Variants in SLC13A1 observed in about 807,000 individuals in gnomAD.
The protein encoded by SLC13A1 is solute carrier family 13 member 1, also known as Na(+)/sulfate cotransporter.
Under a neutral mutation model 70.0 loss-of-function variants are expected in SLC13A1, and 65 were observed. That is an observed-to-expected ratio of 0.93 (90% CI 0.76 to 1.14). SLC13A1 has a LOEUF of 1.14. SLC13A1 is among the 50% of genes most tolerant of loss of function. SLC13A1 has a pLI of 0.00. For missense variants in SLC13A1, 726 were observed against 717.8 expected (o/e 1.01, Z -0.13); for synonymous variants, 275 against 250.5 (o/e 1.10, Z -0.92).
At position 123,128,925 on chromosome 7, in the gene SLC13A1, C is replaced by A. The variant is rs1793658075; in HGVS notation, c.1053G>T (p.Leu351Phe). The change falls in exon 10 of 15, where the codon TTG (leucine) becomes TTT (phenylalanine). Residue 351 changes from leucine (L) to phenylalanine (F), a missense_variant. Transcript: ENST00000194130. ...GPIRYQEIVT[L>F]VLFIIMALLW... ...GCAGAGCCATTATAATGAAGAGGAC[C>A]AAGGTCACAATTTCTTGATACCTGT... The A allele has an allele frequency of 1.2e-6, 2 of 1,612,894 alleles. No homozygotes were observed. The highest frequency in any genetic ancestry group is 2.2e-5 in the East Asian group (1 of 44,794).
chr7:123,117,981 T>A (rs1422647331), intron 13 of SLC13A1, among the ~76,000 whole-genome samples: 1 of 151,336 alleles, frequency 6.6e-6, no homozygotes, highest in African/African-American at 2.4e-5. Flanking sequence ...TAATATATAA[T>A]AAATGTCACA....
intron 6 of SLC13A1, among the ~76,000 whole-genome samples, chr7:123,147,703 G>A (rs1383199922): frequency 6.6e-6 from 1 of 152,012 alleles, no homozygotes; most frequent in Admixed American, 6.6e-5. Flanking sequence ...CTTAGTCTGT[G>A]GTGTTTTGTT....
At chr7:123,138,413 C>T (rs1235805255) in intron 7 of SLC13A1, among the ~76,000 whole-genome samples, 2 of 152,110 alleles carry the variant, frequency 1.3e-5, no homozygotes, top group South Asian at 2.1e-4. Flanking sequence ...TACTGATTTT[C>T]TTTCTTTTGG....
chr7:123,173,970 G>GT (rs35330071), intron 2 of SLC13A1, among the ~76,000 whole-genome samples: 59,902 of 130,046 alleles, frequency 0.46, 14,330 homozygotes, highest in Non-Finnish European at 0.54. Context: ...TCGGGAAGCT[G>GT]TTTTTTTTTT....
chr7:123,188,987 C>A (rs1247437131), intron 1 of SLC13A1, among the ~76,000 whole-genome samples: 3 of 149,062 alleles, frequency 2.0e-5, no homozygotes, highest in African/African-American at 7.4e-5. Flanking sequence ...TAGTGGCGGG[C>A]GCCTGTAGTC....
At chr7:123,186,094 ACAACAC>A (rs1795787836) in intron 1 of SLC13A1, among the ~76,000 whole-genome samples, 1 of 152,066 alleles carries the variant, frequency 6.6e-6, no homozygotes, top group East Asian at 1.9e-4. Context: ...TAATTCAAAC[ACAACAC>A]CAAGTATTTT....
chr7:123,189,114 CAAAAAAAAA>C (rs34956751), intron 1 of SLC13A1, among the ~76,000 whole-genome samples: 1 of 99,508 alleles, frequency 1.0e-5, no homozygotes, highest in East Asian at 2.8e-4. Flanking sequence ...GACTCCGTCT[CAAAAAAAAA>C]AAAAAAAAAG....
chr7:123,189,094 G>A (rs1795912065), intron 1 of SLC13A1, among the ~76,000 whole-genome samples: 1 of 104,682 alleles, frequency 9.6e-6, no homozygotes, highest in Non-Finnish European at 1.7e-5. Flanking sequence ...CAGCCTGGGC[G>A]ACAGAGCGAG....
chr7:123,140,013 G>T (rs1794078348), intron 7 of SLC13A1, among the ~76,000 whole-genome samples: 1 of 151,738 alleles, frequency 6.6e-6, no homozygotes, highest in East Asian at 1.9e-4. Context: ...AAATCTTTCG[G>T]TTTTTTTACC....
intron 1 of SLC13A1, among the ~76,000 whole-genome samples, chr7:123,188,920 C>T (rs1395846289): frequency 6.6e-6 from 1 of 151,328 alleles, no homozygotes; most frequent in Non-Finnish European, 1.5e-5. Context: ...TCGAGACCAT[C>T]CCGGCTAAAA....
intron 1 of SLC13A1, among the ~76,000 whole-genome samples, chr7:123,187,912 G>C (rs1213555755): frequency 6.6e-6 from 1 of 152,086 alleles, no homozygotes; most frequent in African/African-American, 2.4e-5. Context: ...GCATGTCTAT[G>C]GAAAATAGAT....
chr7:123,188,421 A>G (rs1025343476), intron 1 of SLC13A1, among the ~76,000 whole-genome samples: 11 of 152,174 alleles, frequency 7.2e-5, no homozygotes, highest in Admixed American at 2.0e-4. Context: ...AATGTTCAGA[A>G]ATTCCATTTC....
intron 6 of SLC13A1, among the ~76,000 whole-genome samples, chr7:123,166,359 T>G (rs905398769): frequency 6.6e-6 from 1 of 151,198 alleles, no homozygotes; most frequent in Non-Finnish European, 1.5e-5. Context: ...TGTTTAGGTG[T>G]GCCAATTTTC....
intron 1 of SLC13A1, among the ~76,000 whole-genome samples, chr7:123,189,932 A>G (rs974345364): frequency 6.6e-6 from 1 of 152,112 alleles, no homozygotes; most frequent in African/African-American, 2.4e-5. Flanking sequence ...ATCTTTTTTA[A>G]AAAAATTCTG....
chr7:123,151,325 G>A (rs992626567), intron 6 of SLC13A1, among the ~76,000 whole-genome samples: 27 of 150,992 alleles, frequency 1.8e-4, no homozygotes, highest in African/African-American at 4.4e-4. Context: ...AGCAAGACCC[G>A]TCTCAAAACA....
intron 8 of SLC13A1, 84 bp from the exon 9 acceptor site, chr7:123,129,565 C>G: frequency 1.1e-6 from 1 of 940,068 alleles, no homozygotes. Context: ...AAAACGTTGT[C>G]ATCTTCACGC....
intron 14 of SLC13A1, among the ~76,000 whole-genome samples, chr7:123,116,931 G>A (rs532759590): frequency 6.6e-6 from 1 of 152,196 alleles, no homozygotes; most frequent in South Asian, 2.1e-4. Flanking sequence ...TGGCAAAAAT[G>A]TGCATGCTTT....
chr7:123,117,178 T>C (rs551414368), intron 14 of SLC13A1, among the ~76,000 whole-genome samples: 6 of 152,304 alleles, frequency 3.9e-5, no homozygotes, highest in Non-Finnish European at 7.4e-5. Context: ...TGTTGACTTG[T>C]AGGTTTATGC....
chr7:123,151,386 G>GTGTGTATATA (rs142703205), intron 6 of SLC13A1, among the ~76,000 whole-genome samples: 5 of 145,886 alleles, frequency 3.4e-5, no homozygotes, highest in South Asian at 2.2e-4. Context: ...GTGTGTGTGT[G>GTGTGTATATA]TATATATATA....
Sources: gnomAD v4.1 joint callset for allele counts (sites outside exome capture counted in the v4.1 genomes callset) on GRCh38, gnomAD v4.1.1 for gene constraint, MANE v1.5 for transcripts, NCBI Gene and HGNC (gene_info 2026-07-23, HGNC 2026-07-21) for gene names.